Variants in DGKB observed in about 807,000 individuals in gnomAD.
DGKB encodes the protein diacylglycerol kinase beta.
Under a neutral mutation model 114.3 loss-of-function variants are expected in DGKB, and 67 were observed. That is an observed-to-expected ratio of 0.59 (90% confidence interval 0.48 to 0.72). The LOEUF (loss-of-function observed/expected upper bound fraction) is 0.72, where lower values mean the gene tolerates loss of function less well. Ranked by LOEUF, DGKB falls within the 30% of genes least tolerant of loss-of-function variation. DGKB has a pLI of 0.00. For synonymous variants in DGKB, 398 were observed against 323.1 expected, an observed-to-expected ratio of 1.23 and a Z score of -2.49; for missense variants, 907 against 975.2, an observed-to-expected ratio of 0.93 and a Z score of 0.93.
chr7:14,328,461 T>C (rs893333739), intron 23 of DGKB, among the ~76,000 whole-genome samples: 2 of 151,892 alleles, frequency 1.3e-5, no homozygotes, highest in East Asian at 3.9e-4. Flanking sequence ...AAGTACGTAA[T>C]AGACCTGTCT....
chr7:14,549,478 T>C (rs993821300), intron 20 of DGKB, among the ~76,000 whole-genome samples: 51 of 152,296 alleles, frequency 3.3e-4, no homozygotes, highest in Non-Finnish European at 4.9e-4. Flanking sequence ...TATTTTAAAA[T>C]ATTCTATTTA....
chr7:14,696,501 CAAAAAAAAAAA>C (rs35486620), intron 8 of DGKB, among the ~76,000 whole-genome samples: 61 of 45,074 alleles, frequency 1.4e-3, no homozygotes, highest in Non-Finnish European at 2.2e-3. Context: ...GACTCCGTCT[CAAAAAAAAAAA>C]AAAAAAAAAA....
At chr7:14,359,868 A>G (rs1176543005) in intron 21 of DGKB, among the ~76,000 whole-genome samples, 1 of 152,168 alleles carries the variant, frequency 6.6e-6, no homozygotes, top group African/African-American at 2.4e-5. Flanking sequence ...TGGTGGTGGG[A>G]GTGTAAATTA....
rs184283509 is a variant in DGKB, at chr7:14,371,314, C to T, written c.1836-25923G>A. On this transcript the variant is annotated intron_variant, in intron 21 of 25. Coordinates refer to ENST00000402815, the MANE Select transcript of DGKB (RefSeq NM_001350709.2). ...TGTATAAGCAAGCATTCCCTTTTCT[C>T]TGCAGCCTCACCAGCATCTGTTGCT... Among the ~76,000 whole-genome samples, 635 of 152,284 alleles carry T rather than the reference C, an allele frequency of 4.2e-3. 4 individuals are homozygous for T. Among genetic ancestry groups the T allele is most frequent in the South Asian group, 9.9e-3 (48 of 4,826 alleles).
intron 22 of DGKB, among the ~76,000 whole-genome samples, chr7:14,344,084 T>C (rs899972436): frequency 6.7e-6 from 1 of 150,010 alleles, no homozygotes; most frequent in Non-Finnish European, 1.5e-5. Context: ...GTGTTATATA[T>C]ATCATTTTAT....
chr7:14,821,844 G>T (rs1292890871), intron 2 of DGKB, among the ~76,000 whole-genome samples: 2 of 152,150 alleles, frequency 1.3e-5, no homozygotes, highest in Non-Finnish European at 2.9e-5. Context: ...AGGATCCTGT[G>T]GTAGTTCAGG....
chr7:14,641,942 C>T (rs983730372), intron 13 of DGKB, among the ~76,000 whole-genome samples: 2 of 151,966 alleles, frequency 1.3e-5, no homozygotes, highest in Admixed American at 1.3e-4. Context: ...GACGTAGGTT[C>T]TTTTTCATTC....
intron 1 of DGKB, among the ~76,000 whole-genome samples, chr7:14,914,722 A>T (rs1784154302): frequency 6.6e-6 from 1 of 152,210 alleles, no homozygotes; most frequent in South Asian, 2.1e-4. Context: ...ATTTAAAATA[A>T]CTAGGATTAA....
At chr7:14,748,953 G>A (rs553663748) in intron 4 of DGKB, among the ~76,000 whole-genome samples, 4 of 151,944 alleles carry the variant, frequency 2.6e-5, no homozygotes, top group Admixed American at 2.0e-4. Flanking sequence ...AATACTATGC[G>A]CTTACTGGGC....
chr7:14,441,541 T>C (rs1830093403), intron 21 of DGKB, among the ~76,000 whole-genome samples: 1 of 152,180 alleles, frequency 6.6e-6, no homozygotes, highest in Non-Finnish European at 1.5e-5. Context: ...GCTTAAGACA[T>C]TATTTTTTAC....
intron 14 of DGKB, among the ~76,000 whole-genome samples, chr7:14,623,639 T>C (rs1222973128): frequency 1.3e-5 from 2 of 152,172 alleles, no homozygotes; most frequent in Admixed American, 6.6e-5. Context: ...AAACACTGAA[T>C]ATATTTTGTG....
In DGKB at chr7:14,436,408, C is replaced by T. The variant is rs571857151; in HGVS notation, c.1835+41753G>A. Among the ~76,000 whole-genome samples the T allele has an allele frequency of 4.6e-5, 7 of 152,120 alleles. No individual in the cohort carries two copies. The East Asian group carries it at 1.4e-3, about 29-fold the overall frequency. On this transcript the variant is annotated intron_variant, in intron 21 of 25. Coordinates refer to ENST00000402815, the MANE Select transcript of DGKB (RefSeq NM_001350709.2). ...ATTTAACAAGACTTTGATTGACTTG[C>T]CAACACTATGGGTGTTGTTTTTCCT...
In DGKB at chr7:14,929,804, T is replaced by C. The variant is rs144482704; in HGVS notation, c.-188+44892A>G. Among the ~76,000 whole-genome samples, 90 of 152,282 alleles carry C rather than the reference T, an allele frequency of 5.9e-4. No homozygotes were observed. In the East Asian group the frequency reaches 0.017, roughly 28 times the overall value. On this transcript the variant is annotated intron_variant, in intron 1 of 4. Coordinates refer to the DGKB transcript ENST00000437998. Reference sequence around the variant, plus strand: ...GTTATGAATTCTTTGCCTAGACTAATGTCCAGAAAAATTTTCCCTAAGTTT... The same window carrying C: ...GTTATGAATTCTTTGCCTAGACTAACGTCCAGAAAAATTTTCCCTAAGTTT...
At chr7:14,883,301 C>A (rs1362308834) in intron 1 of DGKB, among the ~76,000 whole-genome samples, 1 of 151,822 alleles carries the variant, frequency 6.6e-6, no homozygotes, top group Non-Finnish European at 1.5e-5. Context: ...GGTCTATCTT[C>A]CCCTAAAGTA....
At chr7:14,404,835 C>T (rs531077179) in intron 21 of DGKB, among the ~76,000 whole-genome samples, 12 of 151,856 alleles carry the variant, frequency 7.9e-5, no homozygotes, top group Non-Finnish European at 1.5e-4. Flanking sequence ...CCTTGTCTTT[C>T]GTTGGCTGCT....
chr7:14,553,226 T>C (rs1206751084), intron 20 of DGKB, among the ~76,000 whole-genome samples: 2 of 152,262 alleles, frequency 1.3e-5, no homozygotes, highest in African/African-American at 2.4e-5. Context: ...ACATGCTTTG[T>C]CACTTTCCTT....
intron 1 of DGKB, among the ~76,000 whole-genome samples, chr7:14,925,724 G>A (rs1240359761): frequency 6.6e-6 from 1 of 152,054 alleles, no homozygotes; most frequent in Admixed American, 6.5e-5. Context: ...ACAAATGCAA[G>A]TTATTTTATA....
At chr7:14,466,728 G>A (rs1780530969) in intron 21 of DGKB, among the ~76,000 whole-genome samples, 1 of 152,048 alleles carries the variant, frequency 6.6e-6, no homozygotes, top group Non-Finnish European at 1.5e-5. Flanking sequence ...TGAGGCAATA[G>A]AATCGCTTGA....
intron 21 of DGKB, among the ~76,000 whole-genome samples, chr7:14,355,305 C>T (rs983271851): frequency 6.6e-6 from 1 of 152,136 alleles, no homozygotes; most frequent in Admixed American, 6.5e-5. Flanking sequence ...CCAGAACTTC[C>T]AACACTATGT....
Sources: gnomAD v4.1 joint callset for allele counts (sites outside exome capture counted in the v4.1 genomes callset) on GRCh38, gnomAD v4.1.1 for gene constraint, MANE v1.5 for transcripts, NCBI Gene and HGNC (gene_info 2026-07-23, HGNC 2026-07-21) for gene names.